Variants in SMYD3 observed in about 807,000 individuals in gnomAD.
The protein encoded by SMYD3 is SET and MYND domain containing 3.
Under a neutral mutation model 57.7 loss-of-function variants are expected in SMYD3, and 36 were observed. The ratio of observed to expected loss-of-function variants is 0.62; its 90% CI spans 0.48 to 0.82. The LOEUF (loss-of-function observed/expected upper bound fraction) is 0.82. Ranked by LOEUF, SMYD3 falls within the 40% of genes least tolerant of loss-of-function variation. The pLI is 0.00. For missense variants in SMYD3, 515 were observed against 538.8 expected, an observed-to-expected ratio of 0.96 and a Z score of 0.44; for synonymous variants, 211 against 195.0, an observed-to-expected ratio of 1.08 and a Z score of -0.68.
intron 5 of SMYD3, 138 bp from the exon 6 acceptor site, chr1:245,930,075 G>A: frequency 1.4e-6 from 1 of 697,610 alleles, no homozygotes; most frequent in Non-Finnish European, 2.6e-6. Context: ...AATCATGGAT[G>A]CTCTTTGACT....
chr1:246,039,031 A>T lies in SMYD3; in HGVS notation c.532-109094T>A, dbSNP rs896013356. On this transcript the variant is annotated intron_variant, in intron 5 of 11. Coordinates refer to ENST00000490107, the MANE Select transcript of SMYD3 (RefSeq NM_001167740.2). ...CCGTTCAAGTCTCTACCAGAGTTTA[A>T]TATTTTAAAGTCACAATTTCCTTTC... 1.5e-4 allele frequency among the ~76,000 whole-genome samples: 23 copies of T among 152,224 alleles called. 1 individual carries two copies. Among genetic ancestry groups the T allele is most frequent in the Non-Finnish European group, 4.4e-5 (3 of 68,050 alleles).
chr1:245,762,531 T>C (rs1184437645), intron 11 of SMYD3, among the ~76,000 whole-genome samples: 1 of 152,122 alleles, frequency 6.6e-6, no homozygotes, highest in African/African-American at 2.4e-5. Context: ...AAAAGGAAAG[T>C]TCTCCCTGAG....
chr1:246,072,752 C>T (rs2060479928), intron 5 of SMYD3, among the ~76,000 whole-genome samples: 1 of 152,052 alleles, frequency 6.6e-6, no homozygotes, highest in South Asian at 2.1e-4. Flanking sequence ...GCCTTGGGTC[C>T]AGAGGGAACA....
chr1:246,196,901 A>G (rs1457288781), intron 5 of SMYD3, among the ~76,000 whole-genome samples: 1 of 151,448 alleles, frequency 6.6e-6, no homozygotes, highest in Admixed American at 6.6e-5. Flanking sequence ...AACAGGGCAC[A>G]TTGAAGAAAT....
At chr1:246,065,803 C>T (rs2148366876) in intron 5 of SMYD3, among the ~76,000 whole-genome samples, 1 of 152,324 alleles carries the variant, frequency 6.6e-6, no homozygotes, top group African/African-American at 2.4e-5. Flanking sequence ...TAAAACATTC[C>T]TTCTCTACAT....
Position 245,929,829 on chromosome 1 carries a change from G to T in SMYD3, c.599+41C>A, listed in dbSNP as rs73128376. ...AAGGGCTGGGGATTTGGGTGGGAAT[G>T]AAAGTGTGTCTTCCAGTACATGAAG... On this transcript the variant is annotated intron_variant, in intron 6 of 11. Coordinates refer to ENST00000490107, the MANE Select transcript of SMYD3 (RefSeq NM_001167740.2). 3.5e-3 allele frequency: 5,321 copies of T among 1,515,708 alleles called. 144 individuals carry two copies. In the African/African-American group the frequency reaches 0.06, roughly 17 times the overall value. 93.9% of individuals were successfully genotyped at this position (1,515,708 alleles called of 1,614,324 possible).
intron 9 of SMYD3, 116 bp from the exon 10 acceptor site, chr1:245,858,786 AT>A: frequency 9.6e-7 from 1 of 1,043,856 alleles, no homozygotes; most frequent in Non-Finnish European, 1.4e-6. Context: ...AGCACCCGTT[AT>A]TTTTCACAGA....
At chr1:246,169,722 G>A (rs991148070) in intron 5 of SMYD3, among the ~76,000 whole-genome samples, 5 of 151,970 alleles carry the variant, frequency 3.3e-5, no homozygotes, top group South Asian at 2.1e-4. Context: ...TGGCCAACAC[G>A]GTGAAACCCC....
At chr1:246,190,465 G>A (rs576964841) in intron 5 of SMYD3, among the ~76,000 whole-genome samples, 1 of 151,384 alleles carries the variant, frequency 6.6e-6, no homozygotes, top group South Asian at 2.1e-4. Context: ...GGCACCTGTA[G>A]TCCCAGCTAC....
chr1:245,791,389 C>A (rs1165209384), intron 10 of SMYD3, among the ~76,000 whole-genome samples: 6 of 152,158 alleles, frequency 3.9e-5, no homozygotes, highest in South Asian at 2.1e-4. Context: ...CCTGCTAACA[C>A]CATGAGGATA....
chr1:245,767,219 A>C (rs1374549321), intron 10 of SMYD3, among the ~76,000 whole-genome samples: 2 of 149,490 alleles, frequency 1.3e-5, no homozygotes, highest in Admixed American at 1.4e-4. Flanking sequence ...AAAAATAAAG[A>C]CCGGGATTAA....
At chr1:246,105,349 G>A (rs2061098907) in intron 5 of SMYD3, among the ~76,000 whole-genome samples, 1 of 150,416 alleles carries the variant, frequency 6.6e-6, no homozygotes, top group African/African-American at 2.5e-5. Context: ...TCCTGTTGAG[G>A]ATTAGGGTCA....
chr1:245,793,370 C>A (rs921976831), intron 10 of SMYD3, among the ~76,000 whole-genome samples: 1 of 152,056 alleles, frequency 6.6e-6, no homozygotes, highest in Non-Finnish European at 1.5e-5. Flanking sequence ...CATGTTTTCC[C>A]GCTGGCAGAC....
rs963681117 is a variant in SMYD3, at chr1:245,919,220, A to T, written c.703-3580T>A. Among the ~76,000 whole-genome samples the T allele has an allele frequency of 6.6e-5, 10 of 152,092 alleles. No homozygotes were observed. The South Asian group carries it at 8.3e-4, about 13-fold the overall frequency. On this transcript the variant is annotated intron_variant, in intron 7 of 11. Transcript: ENST00000490107. ...GATCACGTCATTTCTCTACATAAAA[A>T]CTTGCGATGGTTTCTCACTGCCCTT...
intron 8 of SMYD3, among the ~76,000 whole-genome samples, chr1:245,902,769 G>C (rs752710763): frequency 3.9e-5 from 6 of 152,170 alleles, no homozygotes; most frequent in Non-Finnish European, 8.8e-5. Flanking sequence ...GAAATAATAT[G>C]AAGACCACAG....
intron 5 of SMYD3, among the ~76,000 whole-genome samples, chr1:246,081,069 C>T (rs1371158443): frequency 1.3e-5 from 2 of 152,182 alleles, no homozygotes; most frequent in Non-Finnish European, 2.9e-5. Flanking sequence ...TCAAACAATG[C>T]AACCCACTGA....
chr1:246,444,640 T>C (rs1302041172), intron 1 of SMYD3, among the ~76,000 whole-genome samples: 1 of 152,168 alleles, frequency 6.6e-6, no homozygotes, highest in African/African-American at 2.4e-5. Context: ...AATTATCAAA[T>C]GCAGACATTG....
chr1:245,995,046 T>C (rs962117926), intron 5 of SMYD3, among the ~76,000 whole-genome samples: 2 of 152,042 alleles, frequency 1.3e-5, no homozygotes, highest in African/African-American at 2.4e-5. Flanking sequence ...TGAGCCGAGA[T>C]TGCGCCACTG....
chr1:246,077,469 G>A (rs1406341854), intron 5 of SMYD3, among the ~76,000 whole-genome samples: 1 of 151,862 alleles, frequency 6.6e-6, no homozygotes, highest in Non-Finnish European at 1.5e-5. Flanking sequence ...GCAAGCCTGG[G>A]ATTGCCTTAC....
Sources: allele counts gnomAD v4.1 joint callset (sites outside exome capture counted in the v4.1 genomes callset), GRCh38; gene constraint gnomAD v4.1.1; transcripts MANE v1.5; gene names NCBI Gene and HGNC (gene_info 2026-07-23, HGNC 2026-07-21).